AHRR: variants seen among roughly 807,000 people sequenced by gnomAD.
The protein encoded by AHRR is ahR repressor.
In AHRR, 28 loss-of-function variants were observed where a neutral mutation model predicts 44.0. The ratio of observed to expected loss-of-function variants is 0.64; its 90% confidence interval spans 0.47 to 0.87. The LOEUF (loss-of-function observed/expected upper bound fraction) is 0.87, where lower values mean the gene tolerates loss of function less well. AHRR is among the 40% of genes least tolerant of loss of function. The probability of loss-of-function intolerance (pLI) is 0.00; values close to 1 mark genes in which losing one functional copy is unlikely to be tolerated. For missense variants in AHRR, 990 were observed against 953.9 expected (o/e 1.04, Z -0.50); for synonymous variants, 434 against 407.0 (o/e 1.07, Z -0.80).
At position 342,157 on chromosome 5, in the gene AHRR, G is replaced by A. The variant is rs1018585462; in HGVS notation, c.-10-1736G>A. ...CATGTGTAAAAACCAGATACTCTTC[G>A]GTTGTTGGATGGAGTGTTTTATAAA... On this transcript the variant is annotated intron_variant, in intron 1 of 10. Transcript: ENST00000684583. The surrounding 1 kb of genome is among the most constrained non-coding windows in gnomAD (Gnocchi z 4.3). Among the ~76,000 whole-genome samples, 4 of 152,104 alleles carry A rather than the reference G, an allele frequency of 2.6e-5. No individual in the cohort carries two copies. The highest frequency in any genetic ancestry group is 2.9e-5 in the Non-Finnish European group (2 of 68,032).
At chr5:426,642 G>A (rs1736408906) in intron 7 of AHRR, among the ~76,000 whole-genome samples, 1 of 149,634 alleles carries the variant, frequency 6.7e-6, no homozygotes, top group South Asian at 2.1e-4. Context: ...TGGATGGATG[G>A]ATAGATAGAA....
In AHRR at chr5:424,245, G is replaced by T. The variant is rs10065980; in HGVS notation, c.708+268G>T. Among the ~76,000 whole-genome samples, 333 of 97,314 alleles carry T rather than the reference G, an allele frequency of 3.4e-3. No homozygotes were observed. The highest frequency in any genetic ancestry group is 7.2e-3 in the South Asian group (22 of 3,068). 63.8% of individuals were successfully genotyped at this position (97,314 alleles called of 152,430 possible). A position where few individuals can be genotyped will look rare whatever the true frequency, so the allele number is the denominator to read the frequency against. On this transcript the variant is annotated intron_variant, in intron 7 of 10. Coordinates refer to ENST00000684583, the MANE Select transcript of AHRR (RefSeq NM_001377236.1). Reference sequence around the variant, plus strand: ...TGTTAACCCATGTGTCTCTGGTGGGGGGGCGAGGGCCGGTGCTGAGCTCTG... The same window carrying T: ...TGTTAACCCATGTGTCTCTGGTGGGTGGGCGAGGGCCGGTGCTGAGCTCTG...
At chr5:381,757 A>G (rs1030390756) in intron 4 of AHRR, among the ~76,000 whole-genome samples, 1 of 151,704 alleles carries the variant, frequency 6.6e-6, no homozygotes, top group African/African-American at 2.4e-5. Flanking sequence ...CTCGTGATCC[A>G]CCTGCCTTGG....
chr5:343,221 A>G (rs1385285542), intron 1 of AHRR, among the ~76,000 whole-genome samples: 2 of 151,180 alleles, frequency 1.3e-5, no homozygotes, highest in Non-Finnish European at 2.9e-5. Context: ...CAGAGGTGAC[A>G]GAAACACGGG....
At position 432,897 on chromosome 5, in the gene AHRR, G is replaced by T. The variant is rs751393057; in HGVS notation, c.1062G>T (p.Leu354=). The change falls in exon 10 of 11, where the codon CTG becomes CTT. Residue 354 remains leucine, a synonymous_variant. Coordinates refer to ENST00000684583, the MANE Select transcript of AHRR (RefSeq NM_001377236.1). Reference sequence around the variant, plus strand: ...AGGTTCCCGCCAGGGCCCCATGCCTGTGCCTCCGGGGTGGCCCTGACCTTG... The same window carrying T: ...AGGTTCCCGCCAGGGCCCCATGCCTTTGCCTCCGGGGTGGCCCTGACCTTG... ...WAQVPARAPC[L]CLRGGPDLVL... 1.2e-6 allele frequency: 2 copies of T among 1,613,548 alleles called. No individual in the cohort carries two copies. The highest frequency in any genetic ancestry group is 2.2e-5 in the East Asian group (1 of 44,886).
At chr5:403,218 GGTGA>G (rs1735096743) in intron 4 of AHRR, among the ~76,000 whole-genome samples, 1 of 152,186 alleles carries the variant, frequency 6.6e-6, no homozygotes, top group Admixed American at 6.5e-5. Context: ...GGGGAGTGGG[GGTGA>G]GTGTTTAATG....
chr5:364,383 G>A (rs1030685758), intron 3 of AHRR, among the ~76,000 whole-genome samples: 2 of 152,080 alleles, frequency 1.3e-5, no homozygotes, highest in African/African-American at 2.4e-5. Context: ...GGTGATATAA[G>A]AATTTTAAAA....
At position 370,189 on chromosome 5, in the gene AHRR, TCGC is replaced by T. The variant is rs1743523991; in HGVS notation, c.245-6420_245-6418del. ...CTGGAAGCCCCGTCCTCCCGGGCCC[TCGC>T]TGGTGCCCCGTCCTCCCGGGCCCTC... On this transcript the variant is annotated intron_variant, in intron 3 of 10. Transcript: ENST00000684583. The surrounding 1 kb of genome is among the most constrained non-coding windows in gnomAD (Gnocchi z 4.5). Among the ~76,000 whole-genome samples, 2 of 71,838 alleles carry T rather than the reference TCGC, an allele frequency of 2.8e-5. No individual in the cohort carries two copies. Among genetic ancestry groups the T allele is most frequent in the Admixed American group, 1.3e-4 (1 of 7,568 alleles). The allele number at this position is 71,838 out of a possible 152,430, so 47.1% of individuals were successfully genotyped here.
chr5:431,078 GC>G (rs1439885899), intron 8 of AHRR, among the ~76,000 whole-genome samples: 1 of 152,204 alleles, frequency 6.6e-6, no homozygotes, highest in African/African-American at 2.4e-5. Flanking sequence ...CACATGGCAA[GC>G]CCGGTCTTCC....
chr5:343,859 C>A, intron 1 of AHRR, 34 bp from the exon 2 acceptor site: 1 of 1,576,374 alleles, frequency 6.3e-7, no homozygotes, highest in Non-Finnish European at 8.6e-7. Context: ...GCACGTGGCG[C>A]GTTCCGGTGA....
intron 3 of AHRR, chr5:367,673 T>G: frequency 1.7e-6 from 1 of 598,848 alleles, no homozygotes; most frequent in East Asian, 2.8e-5. Context: ...CAGGAGGCCT[T>G]CCCCAGCCTC....
Position 415,269 on chromosome 5 carries a change from CAGCACA to C in AHRR, c.441+1837_441+1842del, listed in dbSNP as rs1313940014. Among the ~76,000 whole-genome samples, 4 of 152,322 alleles carry C rather than the reference CAGCACA, an allele frequency of 2.6e-5. No homozygotes were observed. The East Asian group carries it at 7.7e-4, about 29-fold the overall frequency. On this transcript the variant is annotated intron_variant, in intron 5 of 10. Transcript: ENST00000684583. ...GCCAGCATTCACGCTGAGCCAGAGG[CAGCACA>C]CGGTGATTAAAGCAAAAATCTGCCT...
In AHRR at chr5:395,802, A is replaced by G. The variant is rs952568217; in HGVS notation, c.352-17542A>G. Among the ~76,000 whole-genome samples the G allele has an allele frequency of 1.3e-5, 2 of 152,184 alleles. No individual in the cohort carries two copies. The highest frequency in any genetic ancestry group is 2.4e-5 in the African/African-American group (1 of 41,450). On this transcript the variant is annotated intron_variant, in intron 4 of 10. Coordinates refer to ENST00000684583, the MANE Select transcript of AHRR (RefSeq NM_001377236.1). The surrounding 1 kb of genome is among the most constrained non-coding windows in gnomAD (Gnocchi z 5.3). ...GAAGCCCTCCCAGCTGGGGCTGCGCACACGTTCCTGTGAGGGACCCTTTGG... is the reference window on the plus strand; with the variant it reads ...GAAGCCCTCCCAGCTGGGGCTGCGCGCACGTTCCTGTGAGGGACCCTTTGG...
rs56346498 is a variant in AHRR at position 423,480 on chromosome 5, C to A, written c.572-361C>A. On this transcript the variant is annotated intron_variant, in intron 6 of 10. Transcript: ENST00000684583. The stretch of plus-strand genomic sequence containing the variant: ...AGGGTGGCTCCTGGGTTCTCTCGCA[C>A]GTATCCGCAGAAGCCTGAAATAATT... 2.6e-5 allele frequency among the ~76,000 whole-genome samples: 4 copies of A among 152,054 alleles called. No homozygotes were observed. The East Asian group carries it at 7.7e-4, about 29-fold the overall frequency.
rs982686471 is a variant in AHRR, at chr5:383,277, T to G, written c.351+6561T>G. Among the ~76,000 whole-genome samples the G allele has an allele frequency of 2.6e-5, 4 of 152,380 alleles. No homozygotes were observed. In the South Asian group the frequency reaches 8.3e-4, roughly 32 times the overall value. ...TAAACATTAATTATATCCAGTTGACTTGTTGTGTTCAGGTTATTCTTGATT... is the reference window on the plus strand; with the variant it reads ...TAAACATTAATTATATCCAGTTGACGTGTTGTGTTCAGGTTATTCTTGATT... On this transcript the variant is annotated intron_variant, in intron 4 of 10. Coordinates refer to ENST00000684583, the MANE Select transcript of AHRR (RefSeq NM_001377236.1). The surrounding 1 kb of genome is among the most constrained non-coding windows in gnomAD (Gnocchi z 4.0).
chr5:434,020 G>T lies in AHRR; in HGVS notation c.1280G>T (p.Arg427Leu), dbSNP rs373549252. 2 of 1,591,954 alleles carry T rather than the reference G, an allele frequency of 1.3e-6. No homozygotes were observed. The highest frequency in any genetic ancestry group is 4.5e-5 in the East Asian group (2 of 44,730). The change falls in exon 11 of 11, where the codon CGC (arginine) becomes CTC (leucine). Residue 427 changes from arginine to leucine, a missense_variant. Physicochemically the swap from Arg to Leu is moderately radical, Grantham distance 102. Coordinates refer to ENST00000684583, the MANE Select transcript of AHRR (RefSeq NM_001377236.1). ...AGCAAGAATGACCCGCCCTCCCTGC[G>T]CCCCATGCCCCGCGGCTCCTGCCTG... is the stretch of plus-strand genomic sequence containing the variant. ...QPSKNDPPSL[R>L]PMPRGSCLPC...
chr5:401,030 G>A (rs191444905), intron 4 of AHRR, among the ~76,000 whole-genome samples: 51 of 152,344 alleles, frequency 3.3e-4, no homozygotes, highest in Non-Finnish European at 5.7e-4. Context: ...GCGGGAGTGA[G>A]GCCCCTCAGT....
intron 4 of AHRR, among the ~76,000 whole-genome samples, chr5:386,517 G>A (rs921749194): frequency 1.2e-4 from 19 of 152,252 alleles, no homozygotes; most frequent in African/African-American, 4.3e-4. Flanking sequence ...GAGTGATGCT[G>A]CATAGCTGGC....
At chr5:360,406 G>C (rs1370751267) in intron 3 of AHRR, among the ~76,000 whole-genome samples, 4 of 152,350 alleles carry the variant, frequency 2.6e-5, no homozygotes, top group African/African-American at 9.6e-5. Flanking sequence ...AGGCAGAGAA[G>C]TGGGGTGCCC....
Sources: gnomAD v4.1 joint callset for allele counts (sites outside exome capture counted in the v4.1 genomes callset) on GRCh38, gnomAD v4.1.1 for gene constraint, Gnocchi (gnomAD v3.1) non-coding constraint, MANE v1.5 for transcripts, NCBI Gene and HGNC (gene_info 2026-07-23, HGNC 2026-07-21) for gene names.